Variants in MGAM2 observed in about 807,000 individuals in gnomAD.
MGAM2 encodes maltase-glucoamylase 2 (putative), also known as probable maltase-glucoamylase 2.
MGAM2 carries 98 observed loss-of-function variants against 96.1 expected under a neutral mutation model. That is an observed-to-expected ratio of 1.02 (90% CI 0.87 to 1.21). The LOEUF (loss-of-function observed/expected upper bound fraction) is 1.21, where lower values mean the gene tolerates loss of function less well. Ranked by LOEUF, MGAM2 falls within the 50% of genes most tolerant of loss-of-function variation. The pLI is 0.00. For missense variants in MGAM2, 2,055 were observed against 1,182.4 expected, an observed-to-expected ratio of 1.74 and a Z score of -10.82; for synonymous variants, 749 against 414.8, an observed-to-expected ratio of 1.81 and a Z score of -9.79.
At chr7:142,178,087 T>A (rs1796430187) in intron 32 of MGAM2, among the ~76,000 whole-genome samples, 1 of 152,222 alleles carries the variant, frequency 6.6e-6, no homozygotes, top group South Asian at 2.1e-4. Flanking sequence ...TATCTCTTTG[T>A]GGTTTGATTT....
rs576561399 is a variant in MGAM2, at chr7:142,221,839, C to T, written c.7328C>T (p.Ser2443Leu). ...HISVSNLTTA[S>L]VTITATGLDS... ...TCTGTTTCAAATCTCACAACAGCCT[C>T]AGTCACAATAACAGCCACTGGTCTA... is the stretch of plus-strand genomic sequence containing the variant. Residue 2443 changes from serine to leucine, a missense_variant, in exon 48 of 48, where the codon TCA (serine) becomes TTA (leucine). Coordinates refer to ENST00000477922, the MANE Select transcript of MGAM2 (RefSeq NM_001293626.2). The T allele has an allele frequency of 5.0e-6, 2 of 400,234 alleles. No homozygotes were observed. Among genetic ancestry groups the T allele is most frequent in the South Asian group, 1.3e-4 (1 of 7,988 alleles). 24.8% of individuals were successfully genotyped at this position (400,234 alleles called of 1,614,324 possible). A position where few individuals can be genotyped will look rare whatever the true frequency, so the allele number is the denominator to read the frequency against.
rs1304323734 is a variant in MGAM2 at position 142,167,372 on chromosome 7, C to T, written c.2913C>T (p.Ser971=). 1.4e-6 allele frequency: 1 copy of T among 702,870 alleles called. No individual in the cohort carries two copies. 43.5% of individuals were successfully genotyped at this position (702,870 alleles called of 1,614,324 possible). ...YLNTSITADL[S]LPMAPESAAA... ...ACACCAGCATCACTGCAGACCTTTC[C>T]CTCCCGATGGCCCCTGAGTCAGCTG... Residue 971 remains serine (S), a synonymous_variant, in exon 26 of 48, where the codon TCC becomes TCT. Transcript: ENST00000477922.
At chr7:142,183,762 A>G (rs1235866318) in intron 33 of MGAM2, among the ~76,000 whole-genome samples, 2 of 152,010 alleles carry the variant, frequency 1.3e-5, no homozygotes, top group African/African-American at 4.8e-5. Context: ...ATTAAGTCCT[A>G]TAGATTCTCC....
intron 2 of MGAM2, among the ~76,000 whole-genome samples, chr7:142,119,274 A>G (rs751869636): frequency 6.6e-6 from 1 of 152,200 alleles, no homozygotes; most frequent in Admixed American, 6.5e-5. Context: ...TTAAATAGAC[A>G]TTTCTCCCAA....
rs1797949501 is a variant in MGAM2 at position 142,222,112 on chromosome 7, A to G, written c.*53A>G. 2.5e-6 allele frequency: 1 copy of G among 397,576 alleles called. No individual in the cohort carries two copies. The highest frequency in any genetic ancestry group is 2.1e-5 in the African/African-American group (1 of 48,590). 24.6% of individuals were successfully genotyped at this position (397,576 alleles called of 1,614,324 possible). ...CAGATAACGCCTACAAACAACTATT[A>G]CAGATATAGAAAATCAGTTACGAGA... On this transcript the variant is annotated 3_prime_UTR_variant, in exon 48 of 48. Coordinates refer to ENST00000477922, the MANE Select transcript of MGAM2 (RefSeq NM_001293626.2).
At chr7:142,151,527 T>A (rs981859060) in intron 15 of MGAM2, among the ~76,000 whole-genome samples, 3 of 152,222 alleles carry the variant, frequency 2.0e-5, no homozygotes, top group African/African-American at 7.2e-5. Context: ...AGACTCGGAT[T>A]GGTATTCCCA....
intron 21 of MGAM2, 58 bp from the exon 22 acceptor site, chr7:142,161,067 G>A: frequency 1.4e-6 from 1 of 695,426 alleles, no homozygotes; most frequent in East Asian, 2.7e-5. Context: ...AAGGTGGCTG[G>A]TTTCACATAG....
At position 142,187,392 on chromosome 7, in the gene MGAM2, G is replaced by A. The variant is rs78925886; in HGVS notation, c.4123-358G>A. On this transcript the variant is annotated intron_variant, in intron 35 of 47. Coordinates refer to ENST00000477922, the MANE Select transcript of MGAM2 (RefSeq NM_001293626.2). Reference sequence around the variant, plus strand: ...AAACAAGATGGGCTACCTCTGTTGGGGAGTTGTATCAAGGGGAGTTGTATC... The same window carrying A: ...AAACAAGATGGGCTACCTCTGTTGGAGAGTTGTATCAAGGGGAGTTGTATC... Among the ~76,000 whole-genome samples the A allele has an allele frequency of 1.6e-4, 24 of 152,286 alleles. 1 individual carries two copies. The highest frequency in any genetic ancestry group is 5.8e-4 in the African/African-American group (24 of 41,538).
intron 3 of MGAM2, among the ~76,000 whole-genome samples, chr7:142,130,724 C>A (rs562252693): frequency 1.6e-4 from 25 of 152,168 alleles, no homozygotes; most frequent in African/African-American, 6.0e-4. Flanking sequence ...AAGGCACAAG[C>A]TATGTCTTAT....
intron 1 of MGAM2, among the ~76,000 whole-genome samples, chr7:142,115,671 C>A (rs560855638): frequency 2.6e-5 from 4 of 152,078 alleles, no homozygotes; most frequent in African/African-American, 7.2e-5. Context: ...CATGAAGAAA[C>A]CTTGTCTCTA....
At chr7:142,182,862 G>A (rs1022346545) in intron 32 of MGAM2, among the ~76,000 whole-genome samples, 3 of 152,160 alleles carry the variant, frequency 2.0e-5, no homozygotes, top group African/African-American at 7.2e-5. Flanking sequence ...CAGTATTTTG[G>A]TTTTTCTCCA....
chr7:142,192,368 C>T (rs189478074), intron 37 of MGAM2, among the ~76,000 whole-genome samples: 7 of 152,102 alleles, frequency 4.6e-5, no homozygotes, highest in Non-Finnish European at 1.0e-4. Flanking sequence ...ATGAAATACA[C>T]ACAAAACAAA....
At chr7:142,201,253 A>T (rs1286680884) in intron 45 of MGAM2, among the ~76,000 whole-genome samples, 13 of 151,618 alleles carry the variant, frequency 8.6e-5, no homozygotes, top group Admixed American at 7.2e-4. Context: ...TATTTTTAGT[A>T]GAGATGGGGT....
At chr7:142,185,964 A>G (rs1442770773) in intron 34 of MGAM2, 25 bp from the exon 35 acceptor site, 2 of 702,018 alleles carry the variant, frequency 2.8e-6, no homozygotes, top group African/African-American at 1.7e-5. Flanking sequence ...GACCCCGACA[A>G]TGAGAGTGTG....
Position 142,167,269 on chromosome 7 carries a change from A to AGTG in MGAM2, c.2810_2811insGTG (p.Asp937delinsGluCys), listed in dbSNP as rs1465351636. ...CAAGACTTTCTCCTGTTATTCCAGG[A>AGTG]CACATCTACTCCTGGAGTGCCCACC... On this transcript the variant is annotated protein_altering_variant and splice_region_variant, in exon 26 of 48. Transcript: ENST00000477922. 27 of 687,282 alleles carry AGTG rather than the reference A, an allele frequency of 3.9e-5. No homozygotes were observed. Among genetic ancestry groups the AGTG allele is most frequent in the Non-Finnish European group, 5.9e-5 (22 of 375,964 alleles). 42.6% of individuals were successfully genotyped at this position (687,282 alleles called of 1,614,324 possible). A position where few individuals can be genotyped will look rare whatever the true frequency, so the allele number is the denominator to read the frequency against.
intron 45 of MGAM2, among the ~76,000 whole-genome samples, chr7:142,206,882 G>A (rs1278277203): frequency 9.2e-5 from 14 of 152,146 alleles, no homozygotes; most frequent in Non-Finnish European, 2.1e-4. Context: ...GCTGTTCAAG[G>A]ATAATCTTAA....
chr7:142,117,626 G>T (rs1817458023), intron 2 of MGAM2, among the ~76,000 whole-genome samples: 1 of 152,144 alleles, frequency 6.6e-6, no homozygotes, highest in African/African-American at 2.4e-5. Context: ...GTGAAAAGAA[G>T]CTGTCCTGAT....
chr7:142,170,306 T>C, intron 27 of MGAM2, 77 bp downstream of exon 27: 1 of 601,640 alleles, frequency 1.7e-6, no homozygotes, highest in Non-Finnish European at 3.0e-6. Context: ...TCAAGTGAAA[T>C]ATTAATCTCA....
At chr7:142,177,998 T>C (rs1043402546) in intron 32 of MGAM2, among the ~76,000 whole-genome samples, 3 of 152,192 alleles carry the variant, frequency 2.0e-5, no homozygotes, top group Non-Finnish European at 4.4e-5. Context: ...AGTGTGTAAG[T>C]GTTCTCTTTT....
Sources: gnomAD v4.1 joint callset for allele counts (sites outside exome capture counted in the v4.1 genomes callset) on GRCh38, gnomAD v4.1.1 for gene constraint, MANE v1.5 for transcripts, NCBI Gene and HGNC (gene_info 2026-07-23, HGNC 2026-07-21) for gene names.